OPHN1: variants seen among roughly 807,000 people sequenced by gnomAD.
OPHN1 encodes the protein oligophrenin 1, also known as oligophrenin-1.
OPHN1 carries 11 observed loss-of-function variants against 60.7 expected under a neutral mutation model. That is an observed-to-expected ratio of 0.18 (90% CI 0.11 to 0.30). The LOEUF (loss-of-function observed/expected upper bound fraction) is 0.30, where lower values mean the gene tolerates loss of function less well. OPHN1 is among the 10% of genes least tolerant of loss of function. The pLI is 1.00. For missense variants in OPHN1, 449 were observed against 611.0 expected (o/e 0.73, Z 2.80); for synonymous variants, 226 against 222.6 (o/e 1.02, Z -0.14).
At chrX:68,284,364 T>G (rs1363142031) in intron 3 of OPHN1, among the ~76,000 whole-genome samples, 7 of 110,262 alleles carry the variant, frequency 6.3e-5, no homozygotes, top group Non-Finnish European at 1.9e-5. Context: ...TCCCCAATGT[T>G]GGAGGTGAGG....
chrX:68,095,748 T>C (rs1202995804), intron 19 of OPHN1, among the ~76,000 whole-genome samples: 1 of 111,342 alleles, frequency 9.0e-6, no homozygotes, highest in East Asian at 2.8e-4. Flanking sequence ...TATTGAATTA[T>C]GCTTTTCCCT....
At chrX:68,401,761 A>T (rs1293401245) in intron 2 of OPHN1, among the ~76,000 whole-genome samples, 2 of 111,689 alleles carry the variant, frequency 1.8e-5, no homozygotes, top group Admixed American at 1.9e-4. Context: ...ATAAACAGAG[A>T]TGTATGGGGG....
At chrX:68,248,883 T>A (rs1376335334) in intron 5 of OPHN1, among the ~76,000 whole-genome samples, 1 of 111,311 alleles carries the variant, frequency 9.0e-6, no homozygotes, top group African/African-American at 3.3e-5. Flanking sequence ...ATTTGTGGGA[T>A]CTAAAAATCA....
chrX:68,413,938 G>C (rs966737455), intron 2 of OPHN1, among the ~76,000 whole-genome samples: 3 of 111,642 alleles, frequency 2.7e-5, no homozygotes, highest in African/African-American at 9.8e-5. Flanking sequence ...AGACAGCCTG[G>C]AAAGGGAAGA....
intron 15 of OPHN1, among the ~76,000 whole-genome samples, chrX:68,146,670 A>T (rs1300752454): frequency 8.9e-6 from 1 of 112,595 alleles, no homozygotes; most frequent in Non-Finnish European, 1.9e-5. Context: ...AACTTTCCAT[A>T]AAAGGGCCTT....
At chrX:68,073,581 G>A (rs2076943246) in intron 19 of OPHN1, among the ~76,000 whole-genome samples, 1 of 111,750 alleles carries the variant, frequency 8.9e-6, no homozygotes, top group African/African-American at 3.3e-5. Context: ...GTCCTTCCTG[G>A]GAGACCTTAG....
intron 20 of OPHN1, chrX:68,070,920 G>C: frequency 8.8e-7 from 1 of 1,136,845 alleles, no homozygotes; most frequent in Non-Finnish European, 1.2e-6. Flanking sequence ...CAGTGACAAA[G>C]TCAATAGGCA....
At chrX:68,206,738 A>C in intron 9 of OPHN1, 65 bp from the exon 10 acceptor site, 1 of 844,028 alleles carries the variant, frequency 1.2e-6, no homozygotes, top group South Asian at 2.0e-5. Flanking sequence ...AGTCAACCCT[A>C]AGATGGAAGC....
intron 15 of OPHN1, among the ~76,000 whole-genome samples, chrX:68,154,330 A>G (rs971727152): frequency 2.7e-5 from 3 of 112,600 alleles, no homozygotes; most frequent in Non-Finnish European, 5.6e-5. Flanking sequence ...TAGATTCCAG[A>G]GCCCCTTTCA....
chrX:68,199,180 G>T (rs982329199), intron 11 of OPHN1, among the ~76,000 whole-genome samples: 1 of 111,575 alleles, frequency 9.0e-6, no homozygotes, highest in Non-Finnish European at 1.9e-5. Flanking sequence ...GCCTTGCTAT[G>T]AGCCTGTCAT....
At chrX:68,239,922 G>A (rs1320985778) in intron 5 of OPHN1, among the ~76,000 whole-genome samples, 1 of 109,771 alleles carries the variant, frequency 9.1e-6, no homozygotes, top group African/African-American at 3.3e-5. Flanking sequence ...CAATTCTCCT[G>A]CCTCAGCCTC....
intron 2 of OPHN1, among the ~76,000 whole-genome samples, chrX:68,371,555 G>T (rs1330427140): frequency 2.7e-5 from 3 of 110,820 alleles, no homozygotes; most frequent in African/African-American, 9.8e-5. Flanking sequence ...CTTACTGTTG[G>T]GTTATAATTA....
rs772133498 is a variant in OPHN1, at chrX:68,209,476, G to A, written c.832+677C>T. ...AGCCACTCAGGAGGCTGAGGTAGGA[G>A]GGCTGCTTGAGCCCAGGAGTATGAG... is the stretch of plus-strand genomic sequence containing the variant. On this transcript the variant is annotated intron_variant, in intron 9 of 24. Coordinates refer to ENST00000355520, the MANE Select transcript of OPHN1 (RefSeq NM_002547.3). Among the ~76,000 whole-genome samples the A allele has an allele frequency of 2.6e-3, 285 of 111,736 alleles. 2 individuals carry two copies. Among genetic ancestry groups the A allele is most frequent in the African/African-American group, 8.8e-3 (271 of 30,784 alleles).
chrX:68,332,611 A>T (rs1016985524), intron 2 of OPHN1, among the ~76,000 whole-genome samples: 1 of 111,486 alleles, frequency 9.0e-6, no homozygotes, highest in Non-Finnish European at 1.9e-5. Flanking sequence ...GCCTTTTTCA[A>T]ATTTGCTGAA....
chrX:68,134,261 G>A (rs1028310346), intron 15 of OPHN1, among the ~76,000 whole-genome samples: 1 of 111,611 alleles, frequency 9.0e-6, no homozygotes, highest in Non-Finnish European at 1.9e-5. Flanking sequence ...GACCATATAA[G>A]TTGCAACAGT....
chrX:68,163,957 TA>T (rs2077347032), intron 15 of OPHN1, among the ~76,000 whole-genome samples: 1 of 111,781 alleles, frequency 8.9e-6, no homozygotes, highest in Non-Finnish European at 1.9e-5. Context: ...ATAAAGATCA[TA>T]ATGGTGATTA....
At chrX:68,378,836 C>A (rs1217915340) in intron 2 of OPHN1, among the ~76,000 whole-genome samples, 2 of 111,518 alleles carry the variant, frequency 1.8e-5, no homozygotes, top group African/African-American at 3.3e-5. Context: ...GTTACTGTAG[C>A]CTTGTAGTAT....
intron 5 of OPHN1, among the ~76,000 whole-genome samples, chrX:68,247,767 A>C (rs867829222): frequency 2.7e-5 from 3 of 109,208 alleles, no homozygotes; most frequent in African/African-American, 1.0e-4. Flanking sequence ...AAAAAAAAAA[A>C]AAACACACAA....
chrX:68,148,042 T>C (rs1037884888), intron 15 of OPHN1, among the ~76,000 whole-genome samples: 3 of 111,354 alleles, frequency 2.7e-5, no homozygotes, highest in Non-Finnish European at 5.7e-5. Flanking sequence ...TGCTATGGAC[T>C]GTGGCTTGAA....
Sources: gnomAD v4.1 joint callset for allele counts (sites outside exome capture counted in the v4.1 genomes callset) on GRCh38, gnomAD v4.1.1 for gene constraint, MANE v1.5 for transcripts, NCBI Gene and HGNC (gene_info 2026-07-23, HGNC 2026-07-21) for gene names.